Variants in PRPF38B observed in about 807,000 individuals in gnomAD.
PRPF38B encodes the protein pre-mRNA processing factor 38B, also known as pre-mRNA-splicing factor 38B.
Under a neutral mutation model 67.2 loss-of-function variants are expected in PRPF38B, and 18 were observed. The observed-to-expected ratio is 0.27, with a 90% confidence interval of 0.19 to 0.40. The LOEUF is 0.40. Ranked by LOEUF, PRPF38B falls within the 10% of genes least tolerant of loss-of-function variation. The pLI, the probability that PRPF38B is intolerant of heterozygous loss-of-function variation, is 1.00. For synonymous variants in PRPF38B, 246 were observed against 234.2 expected, an observed-to-expected ratio of 1.05 and a Z score of -0.46; for missense variants, 544 against 684.9, an observed-to-expected ratio of 0.79 and a Z score of 2.30.
At position 108,700,078 on chromosome 1, in the gene PRPF38B, T is replaced by TC. The variant is rs1389215076; in HGVS notation, c.*63dup. The TC allele has an allele frequency of 2.0e-6, 3 of 1,521,386 alleles. No individual in the cohort carries two copies. Among genetic ancestry groups the TC allele is most frequent in the Non-Finnish European group, 2.6e-6 (3 of 1,141,016 alleles). The allele number at this position is 1,521,386 out of a possible 1,614,324, so 94.2% of individuals were successfully genotyped here. A position where few individuals can be genotyped will look rare whatever the true frequency, so the allele number is the denominator to read the frequency against. ...CTATAAATGATTAAATCTGCTTTTT[T>TC]CCCCCACGTTGAGATTGTGCAGTAG... On this transcript the variant is annotated 3_prime_UTR_variant, in exon 6 of 6. Coordinates refer to ENST00000370025, the MANE Select transcript of PRPF38B (RefSeq NM_018061.4).
At position 108,700,720 on chromosome 1, in the gene PRPF38B, C is replaced by T. The variant is rs1019145396; in HGVS notation, c.*700C>T. On this transcript the variant is annotated 3_prime_UTR_variant, in exon 6 of 6. Transcript: ENST00000370025. ...ACTTAGTATGCCTAAAATTTATTCA[C>T]TTAGTTTTCCTTTTTTATTTGAAAA... The T allele has an allele frequency of 6.6e-6, 1 of 152,560 alleles. No homozygotes were observed. The highest frequency in any genetic ancestry group is 1.5e-5 in the Non-Finnish European group (1 of 68,026). 9.5% of individuals were successfully genotyped at this position (152,560 alleles called of 1,614,324 possible).
rs1659407180 is a variant in PRPF38B, at chr1:108,692,546, G to GC, written c.-41dup. The GC allele has an allele frequency of 2.0e-6, 3 of 1,497,044 alleles. No homozygotes were observed. Among genetic ancestry groups the GC allele is most frequent in the Admixed American group, 2.1e-5 (1 of 46,700 alleles). 92.7% of individuals were successfully genotyped at this position (1,497,044 alleles called of 1,614,324 possible). A position where few individuals can be genotyped will look rare whatever the true frequency, so the allele number is the denominator to read the frequency against. ...GTCCCGAAGAGCGAGATCGAGCTTG[G>GC]CCCCCTCCCCCCCCTCCTTCCCTCC... On this transcript the variant is annotated 5_prime_UTR_variant, in exon 1 of 6. Coordinates refer to ENST00000370025, the MANE Select transcript of PRPF38B (RefSeq NM_018061.4).
chr1:108,699,282 C>T lies in PRPF38B; in HGVS notation c.903C>T (p.Arg301=). ...FDRELEREKE[R]QRLEREAKER... is the part of the protein sequence containing the mutation. The stretch of plus-strand genomic sequence containing the variant: ...GAGAATTAGAAAGAGAGAAAGAACG[C>T]CAGCGACTAGAGCGTGAAGCCAAAG... Residue 301 remains arginine (R), a synonymous_variant, in exon 6 of 6, where the codon CGC becomes CGT. Coordinates refer to ENST00000370025, the MANE Select transcript of PRPF38B (RefSeq NM_018061.4). 1 of 1,614,058 alleles carries T rather than the reference C, an allele frequency of 6.2e-7. No homozygotes were observed. The highest frequency in any genetic ancestry group is 8.5e-7 in the Non-Finnish European group (1 of 1,180,010).
chr1:108,702,413 C>G lies in PRPF38B; in HGVS notation c.*2393C>G, dbSNP rs920949680. On this transcript the variant is annotated 3_prime_UTR_variant, in exon 6 of 6. Coordinates refer to ENST00000370025, the MANE Select transcript of PRPF38B (RefSeq NM_018061.4). ...CGCTGTGATTACAGGTGTGAGCCACCACTCCAGTCCCTTCTTACGATTTTT... is the reference window on the plus strand; with the variant it reads ...CGCTGTGATTACAGGTGTGAGCCACGACTCCAGTCCCTTCTTACGATTTTT... Among the ~76,000 whole-genome samples the G allele has an allele frequency of 6.6e-6, 1 of 152,156 alleles. No individual in the cohort carries two copies. The highest frequency in any genetic ancestry group is 1.5e-5 in the Non-Finnish European group (1 of 68,024).
intron 4 of PRPF38B, chr1:108,696,947 T>G: frequency 1.8e-6 from 1 of 550,192 alleles, no homozygotes; most frequent in Non-Finnish European, 3.2e-6. Flanking sequence ...GTCTCCCTAA[T>G]TTGAAATCTG....
chr1:108,692,948 A>T (rs1329755306), intron 1 of PRPF38B, 81 bp downstream of exon 1: 9 of 1,506,932 alleles, frequency 6.0e-6, no homozygotes, highest in Non-Finnish European at 8.0e-6. Flanking sequence ...CGGCCCCCGA[A>T]ATCTGAAGAT....
chr1:108,696,831 GTGTT>G (rs1266439422), intron 4 of PRPF38B: 8 of 694,568 alleles, frequency 1.2e-5, no homozygotes, highest in African/African-American at 3.6e-5. Flanking sequence ...AATAGGCTAA[GTGTT>G]TGGATGACTT....
In PRPF38B at chr1:108,692,355, C is replaced by G. The variant is rs1000458440; in HGVS notation, c.-237C>G. The stretch of plus-strand genomic sequence containing the variant: ...TGGCGGAAGAGATCGAGCTCCCTGG[C>G]TGCCGGCTCGCCTTCTGCGTGGAGT... On this transcript the variant is annotated 5_prime_UTR_variant, in exon 1 of 6. Coordinates refer to ENST00000370025, the MANE Select transcript of PRPF38B (RefSeq NM_018061.4). The G allele has an allele frequency of 1.6e-5, 9 of 560,072 alleles. No individual in the cohort carries two copies. The Admixed American group carries it at 2.3e-4, about 14-fold the overall frequency. 34.7% of individuals were successfully genotyped at this position (560,072 alleles called of 1,614,324 possible).
intron 1 of PRPF38B, among the ~76,000 whole-genome samples, chr1:108,695,172 C>T (rs763939625): frequency 1.4e-4 from 21 of 152,060 alleles, no homozygotes; most frequent in Non-Finnish European, 2.6e-4. Context: ...AGAAAATTTT[C>T]TTCAAGTAAT....
At position 108,692,708 on chromosome 1, in the gene PRPF38B, C is replaced by G. The variant is rs780050829; in HGVS notation, c.117C>G (p.Val39=). ...CGGGGATKPA[V]SGKQGNVLPL... ...GCGGCGGCGCTACCAAGCCGGCGGT[C>G]TCCGGCAAGCAGGGCAATGTGCTCC... The change falls in exon 1 of 6, where the codon GTC becomes GTG. Residue 39 remains valine, a synonymous_variant. Transcript: ENST00000370025. 2 of 1,613,426 alleles carry G rather than the reference C, an allele frequency of 1.2e-6. No homozygotes were observed. Among genetic ancestry groups the G allele is most frequent in the South Asian group, 2.2e-5 (2 of 91,086 alleles).
chr1:108,695,785 G>T lies in PRPF38B; in HGVS notation c.345+15G>T. ...TGTGCGGAGGGGTAAGTAGAAGTAC[G>T]TGCATTTTTCAGTTTTTCTGTGTCT... On this transcript the variant is annotated intron_variant, in intron 2 of 5. Coordinates refer to ENST00000370025, the MANE Select transcript of PRPF38B (RefSeq NM_018061.4). 6.2e-7 allele frequency: 1 copy of T among 1,611,540 alleles called. No individual in the cohort carries two copies. Among genetic ancestry groups the T allele is most frequent in the Non-Finnish European group, 8.5e-7 (1 of 1,178,568 alleles).
intron 4 of PRPF38B, 163 bp from the exon 5 acceptor site, chr1:108,698,441 C>A: frequency 1.6e-6 from 1 of 606,068 alleles, no homozygotes. Context: ...ACACTAAGCC[C>A]AAATATTTCT....
Position 108,700,084 on chromosome 1 carries a change from A to T in PRPF38B, c.*64A>T. On this transcript the variant is annotated 3_prime_UTR_variant, in exon 6 of 6. Transcript: ENST00000370025. Reference sequence around the variant, plus strand: ...ATGATTAAATCTGCTTTTTTCCCCCACGTTGAGATTGTGCAGTAGTTCGCA... The same window carrying T: ...ATGATTAAATCTGCTTTTTTCCCCCTCGTTGAGATTGTGCAGTAGTTCGCA... 7 of 1,520,442 alleles carry T rather than the reference A, an allele frequency of 4.6e-6. No homozygotes were observed. The highest frequency in any genetic ancestry group is 6.1e-6 in the Non-Finnish European group (7 of 1,140,362). The allele number at this position is 1,520,442 out of a possible 1,614,324, so 94.2% of individuals were successfully genotyped here.
At position 108,699,525 on chromosome 1, in the gene PRPF38B, A is replaced by C. The variant is rs765840033; in HGVS notation, c.1146A>C (p.Arg382Ser). ...GAGGAAATGAACGAGAAAAAGAGAG[A>C]GAGCGATCAAGAGAAAGGTCCAAGG... ...KERGNEREKERERSRERSKEQ... is the reference protein window; with the variant it reads ...KERGNEREKESERSRERSKEQ... Residue 382 changes from arginine (R) to serine (S), a missense_variant, in exon 6 of 6, where the codon AGA becomes AGC. Physicochemically the swap from Arg to Ser is moderately radical, Grantham distance 110 (BLOSUM62 -1). Transcript: ENST00000370025. 4.9e-5 allele frequency: 77 copies of C among 1,559,048 alleles called. No individual in the cohort carries two copies. In the Admixed American group the frequency reaches 1.4e-3, roughly 29 times the overall value.
At chr1:108,698,368 C>T (rs1221971773) in intron 4 of PRPF38B, 4 of 418,424 alleles carry the variant, frequency 9.6e-6, no homozygotes, top group Non-Finnish European at 1.7e-5. Flanking sequence ...ATATTGTTAA[C>T]TGAGTGAGAT....
rs187616333 is a variant in PRPF38B at position 108,700,889 on chromosome 1, G to C, written c.*869G>C. On this transcript the variant is annotated 3_prime_UTR_variant, in exon 6 of 6. Coordinates refer to ENST00000370025, the MANE Select transcript of PRPF38B (RefSeq NM_018061.4). ...AATGGGGAGAGGGTGGGGCAGATGAGTAGAGAAACAGATTCAAGCCTCAAG... is the reference window on the plus strand; with the variant it reads ...AATGGGGAGAGGGTGGGGCAGATGACTAGAGAAACAGATTCAAGCCTCAAG... 1 of 152,356 alleles carries C rather than the reference G, an allele frequency of 6.6e-6. No individual in the cohort carries two copies. The highest frequency in any genetic ancestry group is 1.9e-4 in the East Asian group (1 of 5,200). The allele number at this position is 152,356 out of a possible 1,614,324, so 9.4% of individuals were successfully genotyped here. A position where few individuals can be genotyped will look rare whatever the true frequency, so the allele number is the denominator to read the frequency against.
Position 108,695,692 on chromosome 1 carries a change from C to T in PRPF38B, c.277-10C>T. ...TGAATGTTTGTTGTGTTCCTCTTTT[C>T]TATTTTCAGGTCACGCACGTTGAAC... On this transcript the variant is annotated splice_polypyrimidine_tract_variant and intron_variant, in intron 1 of 5. Transcript: ENST00000370025. 6.2e-7 allele frequency: 1 copy of T among 1,613,312 alleles called. No individual in the cohort carries two copies.
In PRPF38B at chr1:108,692,811, G is replaced by C. The variant is rs376912102; in HGVS notation, c.220G>C (p.Val74Leu). The C allele has an allele frequency of 6.2e-7, 1 of 1,614,214 alleles. No individual in the cohort carries two copies. Among genetic ancestry groups the C allele is most frequent in the South Asian group, 1.1e-5 (1 of 91,090 alleles). ...TNILSSPYFK[V>L]QLYELKTYHE... Reference sequence around the variant, plus strand: ...CATCCTGTCGTCGCCTTACTTCAAAGTACAGCTCTACGAGCTCAAGACCTA... The same window carrying C: ...CATCCTGTCGTCGCCTTACTTCAAACTACAGCTCTACGAGCTCAAGACCTA... The change falls in exon 1 of 6, where the codon GTA becomes CTA. Residue 74 changes from valine (V) to leucine (L), a missense_variant. Around this residue, in one of 5 missense-constraint regions of PRPF38B, gnomAD observed 26 missense variants for 67.7 expected, o/e 0.38. Transcript: ENST00000370025.
At chr1:108,694,595 T>A (rs1381368419) in intron 1 of PRPF38B, among the ~76,000 whole-genome samples, 2 of 152,220 alleles carry the variant, frequency 1.3e-5, no homozygotes, top group Non-Finnish European at 2.9e-5. Flanking sequence ...CATGGCAATC[T>A]GTGGGGAAGA....
Sources: allele counts gnomAD v4.1 joint callset (sites outside exome capture counted in the v4.1 genomes callset), GRCh38; gene constraint gnomAD v4.1.1; regional missense constraint gnomAD v4.1.1; transcripts MANE v1.5; gene names NCBI Gene and HGNC (gene_info 2026-07-23, HGNC 2026-07-21).